The following ANKLE2 variants were observed in gnomAD, a reference collection of about 807,000 sequenced individuals.
ANKLE2 encodes ankyrin repeat and LEM domain-containing protein 2.
A neutral mutation model predicts 84.2 loss-of-function variants in ANKLE2; 55 were observed. That is an observed-to-expected ratio of 0.65 (90% confidence interval 0.53 to 0.82). ANKLE2 has a LOEUF of 0.82. Among genes scored for constraint, ANKLE2 ranks in the 40% least tolerant of loss-of-function variants. ANKLE2 has a pLI of 0.00. For missense variants in ANKLE2, 1,238 were observed against 1,201.9 expected, an observed-to-expected ratio of 1.03 and a Z score of -0.44; for synonymous variants, 551 against 486.1, an observed-to-expected ratio of 1.13 and a Z score of -1.76.
intron 6 of ANKLE2, chr12:132,742,148 T>C (rs944896071): frequency 7.9e-6 from 2 of 252,438 alleles, no homozygotes; most frequent in Non-Finnish European, 7.9e-6. Context: ...AGTTTTAAGT[T>C]GGTTACCAAA....
chr12:132,754,541 G>A (rs2044432374), intron 2 of ANKLE2, 134 bp downstream of exon 2: 1 of 792,978 alleles, frequency 1.3e-6, no homozygotes, highest in Admixed American at 3.2e-5. Context: ...GTTAACAATG[G>A]TTAACTGGGG....
At chr12:132,731,070 C>A (rs1053296609) in intron 10 of ANKLE2, 2 of 152,220 alleles carry the variant, frequency 1.3e-5, no homozygotes, top group African/African-American at 4.8e-5. Context: ...AGCTCCCGGG[C>A]GCAGCACTGT....
In ANKLE2 at chr12:132,727,068, AAT is replaced by A. The variant is rs2043713579; in HGVS notation, c.*172_*173del. The A allele has an allele frequency of 4.4e-6, 3 of 684,326 alleles. No individual in the cohort carries two copies. The Admixed American group carries it at 1.1e-4, about 24-fold the overall frequency. The allele number at this position is 684,326 out of a possible 1,614,324, so 42.4% of individuals were successfully genotyped here. A position where few individuals can be genotyped will look rare whatever the true frequency, so the allele number is the denominator to read the frequency against. On this transcript the variant is annotated 3_prime_UTR_variant, in exon 13 of 13. Transcript: ENST00000357997. ...TTCATTAACTTCTAACTTCTTCCAA[AAT>A]ATCAGAAATCTAAGTGTTATATAGA...
At position 132,728,210 on chromosome 12, in the gene ANKLE2, A is replaced by T. The variant is rs114455002; in HGVS notation, c.2484-47T>A. 938 of 1,597,354 alleles carry T rather than the reference A, an allele frequency of 5.9e-4. 6 individuals are homozygous for T. The African/African-American group carries it at 0.01, about 18-fold the overall frequency. On this transcript the variant is annotated intron_variant, in intron 11 of 12. Transcript: ENST00000357997. ...GCAAAAACATCTTTGGTAAAAACAT[A>T]AAGACTTCTAAAATACCACTACTTT... is the stretch of plus-strand genomic sequence containing the variant.
intron 9 of ANKLE2, 39 bp downstream of exon 9, chr12:132,735,367 C>T (rs1441299886): frequency 1.1e-5 from 17 of 1,551,646 alleles, no homozygotes; most frequent in Non-Finnish European, 1.4e-5. Flanking sequence ...ATGCAACCAA[C>T]TGTGTGCCCC....
chr12:132,741,973 C>T lies in ANKLE2; in HGVS notation c.1354-488G>A, dbSNP rs146071612. On this transcript the variant is annotated intron_variant, in intron 6 of 12. Coordinates refer to ENST00000357997, the MANE Select transcript of ANKLE2 (RefSeq NM_015114.3). Reference sequence around the variant, plus strand: ...CAGCCCTTGAAGAATTGCAGCAATACGAACTTTTGCTAGAAACTATAGAAA... The same window carrying T: ...CAGCCCTTGAAGAATTGCAGCAATATGAACTTTTGCTAGAAACTATAGAAA... 124 of 374,836 alleles carry T rather than the reference C, an allele frequency of 3.3e-4. 1 individual carries two copies. In the East Asian group the frequency reaches 8.5e-3, roughly 26 times the overall value. The allele number at this position is 374,836 out of a possible 1,614,324, so 23.2% of individuals were successfully genotyped here. A position where few individuals can be genotyped will look rare whatever the true frequency, so the allele number is the denominator to read the frequency against.
chr12:132,739,515 G>A (rs914400741), intron 7 of ANKLE2, among the ~76,000 whole-genome samples: 1 of 152,082 alleles, frequency 6.6e-6, no homozygotes, highest in Non-Finnish European at 1.5e-5. Context: ...GTAGGTATAC[G>A]GTACAATTTA....
intron 10 of ANKLE2, among the ~76,000 whole-genome samples, chr12:132,732,779 A>C (rs12303133): frequency 8.6e-6 from 1 of 116,158 alleles, no homozygotes; most frequent in Admixed American, 8.8e-5. Flanking sequence ...GGTGTCTGAT[A>C]TGCACCGTGT....
chr12:132,727,223 C>A lies in ANKLE2; in HGVS notation c.*19G>T. 2 of 1,523,686 alleles carry A rather than the reference C, an allele frequency of 1.3e-6. No homozygotes were observed. The highest frequency in any genetic ancestry group is 1.8e-6 in the Non-Finnish European group (2 of 1,132,346). 94.4% of individuals were successfully genotyped at this position (1,523,686 alleles called of 1,614,324 possible). On this transcript the variant is annotated 3_prime_UTR_variant, in exon 13 of 13. Coordinates refer to ENST00000357997, the MANE Select transcript of ANKLE2 (RefSeq NM_015114.3). ...CCTTCTTTAAAAATGAAGAACAAAC[C>A]GAGAGCCCAGCGCCAAGCCTACAGG... is the stretch of plus-strand genomic sequence containing the variant.
In ANKLE2 at chr12:132,734,424, C is replaced by T; in HGVS notation, c.1852G>A (p.Glu618Lys). The part of the protein sequence containing the change: ...IGKKAQQETG[E>K]REASCRDKAT... ...TTATCTCGGCAGGAGGCTTCCCGTT[C>T]TCCTGTTTCTTGTTGAGCCTTTTTG... The change falls in exon 10 of 13, where the codon GAA becomes AAA. Residue 618 changes from glutamate to lysine, a missense_variant. Physicochemically the swap from Glu to Lys is moderately conservative, Grantham distance 56. This residue lies in a region of ANKLE2 where 802 missense variants were observed against 774.5 expected (regional missense o/e 1.04). Transcript: ENST00000357997. The T allele has an allele frequency of 6.2e-7, 1 of 1,614,168 alleles. No homozygotes were observed.
intron 11 of ANKLE2, among the ~76,000 whole-genome samples, chr12:132,729,149 G>A (rs572716234): frequency 1.3e-3 from 198 of 151,318 alleles, no homozygotes; most frequent in Middle Eastern, 6.8e-3. Flanking sequence ...TCAGGAGTTC[G>A]ACACCAGCCT....
At chr12:132,733,179 C>A (rs530755651) in intron 10 of ANKLE2, among the ~76,000 whole-genome samples, 120 of 148,032 alleles carry the variant, frequency 8.1e-4, no homozygotes, top group African/African-American at 2.6e-3. Flanking sequence ...AAGCTCTCTG[C>A]GTGCTGGTGT....
Position 132,741,384 on chromosome 12 carries a change from G to T in ANKLE2, c.1420+35C>A, listed in dbSNP as rs775930197. On this transcript the variant is annotated intron_variant, in intron 7 of 12. Coordinates refer to ENST00000357997, the MANE Select transcript of ANKLE2 (RefSeq NM_015114.3). ...ACGCTCCAAGGCCCTTCCCGGCGTG[G>T]ACCCCACGATCCAGGCACCAACTCC... 3.7e-6 allele frequency: 6 copies of T among 1,609,380 alleles called. 1 individual carries two copies. The South Asian group carries it at 6.6e-5, about 18-fold the overall frequency.
rs560549973 is a variant in ANKLE2 at position 132,754,329 on chromosome 12, C to A, written c.640+346G>T. On this transcript the variant is annotated intron_variant, in intron 2 of 12. Coordinates refer to ENST00000357997, the MANE Select transcript of ANKLE2 (RefSeq NM_015114.3). ...TATACACTCATTGGCCATTTGCATT[C>A]ATTAACATAAAAGATGTGCAGGTTA... Among the ~76,000 whole-genome samples the A allele has an allele frequency of 3.3e-5, 5 of 152,298 alleles. No homozygotes were observed. The South Asian group carries it at 1.0e-3, about 32-fold the overall frequency.
At chr12:132,730,650 C>G in intron 10 of ANKLE2, 1 of 222,630 alleles carries the variant, frequency 4.5e-6, no homozygotes, top group Non-Finnish European at 9.1e-6. Flanking sequence ...AGCGAAACCC[C>G]GTTCTCTATA....
At chr12:132,728,611 C>T (rs2043759287) in intron 11 of ANKLE2, among the ~76,000 whole-genome samples, 1 of 152,208 alleles carries the variant, frequency 6.6e-6, no homozygotes, top group South Asian at 2.1e-4. Context: ...CAGATGGAAC[C>T]AGGGAACCAG....
Position 132,727,895 on chromosome 12 carries a change from C to G in ANKLE2, c.2615+137G>C, listed in dbSNP as rs1474995643. 2.4e-6 allele frequency: 3 copies of G among 1,256,946 alleles called. No homozygotes were observed. The East Asian group carries it at 7.1e-5, about 30-fold the overall frequency. 77.9% of individuals were successfully genotyped at this position (1,256,946 alleles called of 1,614,324 possible). A position where few individuals can be genotyped will look rare whatever the true frequency, so the allele number is the denominator to read the frequency against. Reference sequence around the variant, plus strand: ...GTCCTGTGTGCAGAGAGCCACAACACCCAAATCCACAGCCTGGCTGACGGG... The same window carrying G: ...GTCCTGTGTGCAGAGAGCCACAACAGCCAAATCCACAGCCTGGCTGACGGG... On this transcript the variant is annotated intron_variant, in intron 12 of 12. Coordinates refer to ENST00000357997, the MANE Select transcript of ANKLE2 (RefSeq NM_015114.3).
In ANKLE2 at chr12:132,727,207, A is replaced by C; in HGVS notation, c.*35T>G. On this transcript the variant is annotated 3_prime_UTR_variant, in exon 13 of 13. Coordinates refer to ENST00000357997, the MANE Select transcript of ANKLE2 (RefSeq NM_015114.3). ...TAAACATATGACCCTTCCTTCTTTAAAAATGAAGAACAAACCGAGAGCCCA... is the reference window on the plus strand; with the variant it reads ...TAAACATATGACCCTTCCTTCTTTACAAATGAAGAACAAACCGAGAGCCCA... The C allele has an allele frequency of 6.7e-7, 1 of 1,497,960 alleles. No individual in the cohort carries two copies. Among genetic ancestry groups the C allele is most frequent in the Non-Finnish European group, 8.9e-7 (1 of 1,120,026 alleles). The allele number at this position is 1,497,960 out of a possible 1,614,324, so 92.8% of individuals were successfully genotyped here. A position where few individuals can be genotyped will look rare whatever the true frequency, so the allele number is the denominator to read the frequency against.
intron 10 of ANKLE2, chr12:132,731,869 G>A (rs1593139397): frequency 1.3e-5 from 2 of 152,274 alleles, no homozygotes; most frequent in Admixed American, 6.5e-5. Flanking sequence ...TCTGTGCTTT[G>A]GAAGCACTTT....
Sources: gnomAD v4.1 joint callset for allele counts (sites outside exome capture counted in the v4.1 genomes callset) on GRCh38, gnomAD v4.1.1 for gene constraint, gnomAD v4.1.1 regional missense constraint, MANE v1.5 for transcripts, NCBI Gene and HGNC (gene_info 2026-07-23, HGNC 2026-07-21) for gene names.